FOXP2: variants seen among roughly 807,000 people sequenced by gnomAD.
FOXP2 encodes forkhead box protein P2.
Under a neutral mutation model 115.8 loss-of-function variants are expected in FOXP2, and 12 were observed. That is an observed-to-expected ratio of 0.10 (90% confidence interval 0.07 to 0.17). FOXP2 has a LOEUF of 0.17. Ranked by LOEUF, FOXP2 falls within the 10% of genes least tolerant of loss-of-function variation. FOXP2 has a pLI of 1.00. For missense variants in FOXP2, 629 were observed against 843.5 expected (o/e 0.75, Z 3.15); for synonymous variants, 328 against 297.7 (o/e 1.10, Z -1.05).
chr7:114,362,989 C>G (rs1322945184), intron 2 of FOXP2, among the ~76,000 whole-genome samples: 2 of 151,828 alleles, frequency 1.3e-5, no homozygotes, highest in Non-Finnish European at 2.9e-5. Flanking sequence ...TTCTCAATGA[C>G]TTTGGGTGAG....
intron 2 of FOXP2, among the ~76,000 whole-genome samples, chr7:114,398,565 A>T (rs954408527): frequency 1.3e-5 from 2 of 152,258 alleles, no homozygotes; most frequent in Non-Finnish European, 2.9e-5. Context: ...TAAATTCGGT[A>T]ACAAGTTTTT....
At chr7:114,280,945 A>G (rs1796319592) in intron 1 of FOXP2, among the ~76,000 whole-genome samples, 2 of 152,128 alleles carry the variant, frequency 1.3e-5, no homozygotes, top group Admixed American at 6.6e-5. Context: ...TTAAAAGCAT[A>G]CTTACTACAT....
intron 2 of FOXP2, among the ~76,000 whole-genome samples, chr7:114,326,940 T>C (rs1797568764): frequency 6.6e-6 from 1 of 152,200 alleles, no homozygotes; most frequent in African/African-American, 2.4e-5. Flanking sequence ...ATGACCTACA[T>C]TTATTTTCTT....
At chr7:114,633,186 G>T (rs967945448) in intron 6 of FOXP2, among the ~76,000 whole-genome samples, 1 of 152,040 alleles carries the variant, frequency 6.6e-6, no homozygotes, top group Non-Finnish European at 1.5e-5. Flanking sequence ...TTTAAAATAT[G>T]TGCTAATAGA....
At chr7:114,096,465 G>A (rs549009029) in intron 1 of FOXP2, among the ~76,000 whole-genome samples, 13 of 152,094 alleles carry the variant, frequency 8.5e-5, no homozygotes, top group Middle Eastern at 6.8e-3. Context: ...TTTCAATAAC[G>A]TCAAGCCATC....
Position 114,393,962 on chromosome 7 carries a change from G to A in FOXP2, c.-10-32540G>A, listed in dbSNP as rs563861951. On this transcript the variant is annotated intron_variant, in intron 2 of 17. Transcript: ENST00000634411. ...TGGATGTAAATATATGTGTCAGTGT[G>A]CATGTGTGTGTGTGTGAGAGTGTGT... 5.7e-5 allele frequency among the ~76,000 whole-genome samples: 8 copies of A among 141,128 alleles called. No homozygotes were observed. In the South Asian group the frequency reaches 2.0e-3, roughly 35 times the overall value. 92.6% of individuals were successfully genotyped at this position (141,128 alleles called of 152,430 possible).
At chr7:114,260,897 C>T (rs1795733062) in intron 1 of FOXP2, among the ~76,000 whole-genome samples, 1 of 148,424 alleles carries the variant, frequency 6.7e-6, no homozygotes, top group Non-Finnish European at 1.5e-5. Flanking sequence ...AAGAAATTAA[C>T]GAGTGGGTGG....
chr7:114,207,610 T>A (rs1794232919), intron 1 of FOXP2, among the ~76,000 whole-genome samples: 1 of 152,228 alleles, frequency 6.6e-6, no homozygotes, highest in Non-Finnish European at 1.5e-5. Context: ...TTGGACCTAC[T>A]TAATTTGTAA....
chr7:114,377,030 A>G (rs1201050724), intron 2 of FOXP2, among the ~76,000 whole-genome samples: 1 of 152,220 alleles, frequency 6.6e-6, no homozygotes, highest in African/African-American at 2.4e-5. Flanking sequence ...CAGATGTCAG[A>G]CATATATTAA....
intron 3 of FOXP2, among the ~76,000 whole-genome samples, chr7:114,600,513 T>G (rs1364403540): frequency 6.6e-6 from 1 of 152,144 alleles, no homozygotes; most frequent in African/African-American, 2.4e-5. Flanking sequence ...TGTCTTTAAC[T>G]CACCTGGATA....
intron 3 of FOXP2, among the ~76,000 whole-genome samples, chr7:114,568,872 G>A (rs568442115): frequency 6.6e-6 from 1 of 151,680 alleles, no homozygotes; most frequent in African/African-American, 2.4e-5. Context: ...ACTTATTCTT[G>A]TATCACCTTC....
intron 2 of FOXP2, among the ~76,000 whole-genome samples, chr7:114,453,383 G>T (rs534378681): frequency 1.3e-5 from 2 of 152,010 alleles, no homozygotes; most frequent in Non-Finnish European, 2.9e-5. Context: ...GTACAATGTG[G>T]ATACTATCTC....
chr7:114,626,730 A>G (rs996238298), intron 3 of FOXP2, among the ~76,000 whole-genome samples: 5 of 148,588 alleles, frequency 3.4e-5, no homozygotes, highest in Non-Finnish European at 7.4e-5. Context: ...ACATTTTTGT[A>G]GATTGATACA....
chr7:114,302,260 T>C (rs1296297761), intron 2 of FOXP2, among the ~76,000 whole-genome samples: 1 of 152,162 alleles, frequency 6.6e-6, no homozygotes, highest in African/African-American at 2.4e-5. Flanking sequence ...TATGATTCAT[T>C]CAGAGAAATT....
At chr7:114,299,349 A>C (rs1562860595) in intron 2 of FOXP2, among the ~76,000 whole-genome samples, 2 of 152,004 alleles carry the variant, frequency 1.3e-5, no homozygotes, top group Non-Finnish European at 1.5e-5. Flanking sequence ...CAGAACCCTG[A>C]TGTTATTAAG....
intron 2 of FOXP2, among the ~76,000 whole-genome samples, chr7:114,406,897 A>T (rs1166818987): frequency 6.6e-6 from 1 of 152,012 alleles, no homozygotes; most frequent in Non-Finnish European, 1.5e-5. Flanking sequence ...TAACATTGCC[A>T]TTAAAATACA....
chr7:114,356,955 G>T (rs1356601780), intron 2 of FOXP2, among the ~76,000 whole-genome samples: 2 of 152,244 alleles, frequency 1.3e-5, no homozygotes, highest in Admixed American at 1.3e-4. Context: ...GGCAATTTTG[G>T]TGACAAAGAG....
chr7:114,434,678 G>GA (rs1334297280), intron 2 of FOXP2, among the ~76,000 whole-genome samples: 3 of 151,674 alleles, frequency 2.0e-5, no homozygotes, highest in Non-Finnish European at 4.4e-5. Context: ...GTTTCGTTAA[G>GA]AAAAAAATTA....
At chr7:114,619,808 C>T (rs997141807) in intron 3 of FOXP2, among the ~76,000 whole-genome samples, 2 of 152,018 alleles carry the variant, frequency 1.3e-5, no homozygotes, top group Non-Finnish European at 2.9e-5. Context: ...CATTAGTCTT[C>T]CCCTGAAGGA....
Sources: allele counts gnomAD v4.1 joint callset (sites outside exome capture counted in the v4.1 genomes callset), GRCh38; gene constraint gnomAD v4.1.1; transcripts MANE v1.5; gene names NCBI Gene and HGNC (gene_info 2026-07-23, HGNC 2026-07-21).